Variants in ANGPT2 observed in about 807,000 individuals in gnomAD.
ANGPT2 encodes angiopoietin 2, also known as angiopoietin-2.
ANGPT2 carries 28 observed loss-of-function variants against 62.9 expected under a neutral mutation model. The observed-to-expected ratio is 0.44, with a 90% CI of 0.33 to 0.61. The LOEUF (loss-of-function observed/expected upper bound fraction) is 0.61, where lower values mean the gene tolerates loss of function less well. Ranked by LOEUF, ANGPT2 falls within the 20% of genes least tolerant of loss-of-function variation. The probability of loss-of-function intolerance (pLI) is 0.03; values close to 1 mark genes in which losing one functional copy is unlikely to be tolerated. For missense variants in ANGPT2, 727 were observed against 594.9 expected (o/e 1.22, Z -2.31); for synonymous variants, 284 against 207.8 (o/e 1.37, Z -3.15).
At chr8:6,532,637 ATT>A in intron 1 of ANGPT2, 150 bp from the exon 2 acceptor site, 1 of 617,102 alleles carries the variant, frequency 1.6e-6, no homozygotes, top group Non-Finnish European at 2.5e-6. Flanking sequence ...GAATCTTACT[ATT>A]TTTTTTTATC....
At position 6,513,784 on chromosome 8, in the gene ANGPT2, T is replaced by G. The variant is rs758845027; in HGVS notation, c.1090A>C (p.Asn364His). Residue 364 changes from asparagine (N) to histidine (H), a missense_variant, in exon 7 of 9, where the codon AAT (asparagine) becomes CAT (histidine). Physicochemically the swap from Asn to His is moderately conservative, Grantham distance 68. Transcript: ENST00000629816. ...LGNEFVSQLT[N>H]QQRYVLKIHL... ...ATTTTAAGCACATAGCGTTGCTGAT[T>G]AGTCAGTTGCGAAACAAACTCATTT... 2 of 1,614,114 alleles carry G rather than the reference T, an allele frequency of 1.2e-6. No individual in the cohort carries two copies. Among genetic ancestry groups the G allele is most frequent in the East Asian group, 2.2e-5 (1 of 44,882 alleles).
rs1358707202 is a variant in ANGPT2 at position 6,519,175 on chromosome 8, G to T, written c.927+689C>A. ...GACTGCGTTAGATGAGGTTAGAATC[G>T]CCTTCCCCAGCGGTTCTCATGGTGT... is the stretch of plus-strand genomic sequence containing the variant. On this transcript the variant is annotated intron_variant, in intron 5 of 8. Transcript: ENST00000629816. Among the ~76,000 whole-genome samples the T allele has an allele frequency of 2.0e-5, 3 of 152,288 alleles. No individual in the cohort carries two copies. The East Asian group carries it at 5.8e-4, about 29-fold the overall frequency.
intron 3 of ANGPT2, among the ~76,000 whole-genome samples, chr8:6,526,683 A>T (rs1407914998): frequency 1.3e-5 from 2 of 152,234 alleles, no homozygotes; most frequent in African/African-American, 4.8e-5. Flanking sequence ...TTGAACAAGA[A>T]GTTTATCATT....
At position 6,502,311 on chromosome 8, in the gene ANGPT2, T is replaced by C. The variant is rs1405238239; in HGVS notation, c.*790A>G. On this transcript the variant is annotated 3_prime_UTR_variant, in exon 9 of 9. Coordinates refer to ENST00000629816, the MANE Select transcript of ANGPT2 (RefSeq NM_001118887.2). ...CATAGGCATATCCCCTAATAAGTTA[T>C]ATTTAATTACTAAAAATACCTTCAT... is the stretch of plus-strand genomic sequence containing the variant. 1.3e-5 allele frequency: 2 copies of C among 152,200 alleles called. No individual in the cohort carries two copies. The highest frequency in any genetic ancestry group is 2.4e-5 in the African/African-American group (1 of 41,460). The allele number at this position is 152,200 out of a possible 1,614,324, so 9.4% of individuals were successfully genotyped here. A position where few individuals can be genotyped will look rare whatever the true frequency, so the allele number is the denominator to read the frequency against.
rs1444663586 is a variant in ANGPT2, at chr8:6,509,081, A to G, written c.1197-19T>C. The G allele has an allele frequency of 1.9e-6, 3 of 1,610,720 alleles. No individual in the cohort carries two copies. Among genetic ancestry groups the G allele is most frequent in the Admixed American group, 1.7e-5 (1 of 59,486 alleles). On this transcript the variant is annotated intron_variant, in intron 7 of 8. Transcript: ENST00000629816. The stretch of plus-strand genomic sequence containing the variant: ...GTGAATCCTGTAAGCGTGCAAAGAA[A>G]AAAAACACATTGGCTAGGGTCATTG...
At chr8:6,560,577 C>T (rs1332779119) in intron 1 of ANGPT2, among the ~76,000 whole-genome samples, 1 of 152,122 alleles carries the variant, frequency 6.6e-6, no homozygotes, top group Non-Finnish European at 1.5e-5. Context: ...GCTGGGAGAA[C>T]AGGTGTGGAG....
chr8:6,550,617 G>A (rs1248116110), intron 1 of ANGPT2, among the ~76,000 whole-genome samples: 1 of 152,180 alleles, frequency 6.6e-6, no homozygotes, highest in Non-Finnish European at 1.5e-5. Flanking sequence ...GGGCGTTGGT[G>A]GTGAAGTCTG....
chr8:6,557,876 C>A (rs1388553052), intron 1 of ANGPT2, among the ~76,000 whole-genome samples: 1 of 152,118 alleles, frequency 6.6e-6, no homozygotes, highest in African/African-American at 2.4e-5. Flanking sequence ...ATCCACAAAG[C>A]TGACCAGGCC....
rs746600921 is a variant in ANGPT2 at position 6,501,666 on chromosome 8, C to G, written c.*1435G>C. On this transcript the variant is annotated 3_prime_UTR_variant, in exon 9 of 9. Coordinates refer to ENST00000629816, the MANE Select transcript of ANGPT2 (RefSeq NM_001118887.2). ...ACCTCCCTGGTGCAAGCAATTCTCC[C>G]TGCCTCAGCCTCCCGAGTAGCTGGG... 1.3e-5 allele frequency: 2 copies of G among 151,466 alleles called. No individual in the cohort carries two copies. The highest frequency in any genetic ancestry group is 1.5e-5 in the Non-Finnish European group (1 of 67,964). 9.4% of individuals were successfully genotyped at this position (151,466 alleles called of 1,614,324 possible).
intron 1 of ANGPT2, among the ~76,000 whole-genome samples, chr8:6,548,065 G>A (rs753299151): frequency 6.6e-6 from 1 of 152,086 alleles, no homozygotes; most frequent in East Asian, 1.9e-4. Flanking sequence ...GTGGTTTAGT[G>A]TCTTTACTGA....
chr8:6,510,158 CTT>C (rs11395431), intron 7 of ANGPT2, among the ~76,000 whole-genome samples: 1 of 146,552 alleles, frequency 6.8e-6, no homozygotes. Context: ...GTTGTTTTTT[CTT>C]TTTTTTTTTT....
chr8:6,537,363 C>T (rs533536735), intron 1 of ANGPT2, among the ~76,000 whole-genome samples: 1 of 152,058 alleles, frequency 6.6e-6, no homozygotes, highest in South Asian at 2.1e-4. Flanking sequence ...GCTGTTCTTC[C>T]TTTCTCAGAA....
At chr8:6,542,007 C>CA (rs764731302) in intron 1 of ANGPT2, among the ~76,000 whole-genome samples, 1,032 of 57,036 alleles carry the variant, frequency 0.018, 12 homozygotes, top group African/African-American at 0.045. Flanking sequence ...GACTCAATCT[C>CA]AAAAAAAAAA....
chr8:6,540,034 G>T (rs1242987354), intron 1 of ANGPT2, among the ~76,000 whole-genome samples: 1 of 152,264 alleles, frequency 6.6e-6, no homozygotes, highest in East Asian at 1.9e-4. Context: ...GGCCTCAGCT[G>T]GTGGCATTCT....
In ANGPT2 at chr8:6,506,160, G is replaced by T. The variant is rs191175391; in HGVS notation, c.1327+2772C>A. Among the ~76,000 whole-genome samples the T allele has an allele frequency of 7.3e-5, 11 of 151,484 alleles. No homozygotes were observed. In the South Asian group the frequency reaches 2.1e-3, roughly 29 times the overall value. On this transcript the variant is annotated intron_variant, in intron 8 of 8. Coordinates refer to ENST00000629816, the MANE Select transcript of ANGPT2 (RefSeq NM_001118887.2). Reference sequence around the variant, plus strand: ...TGATTCAGGTGAATGCAGATTGGACGGAAGTTTGCGTGTTCTATTCAGAAT... The same window carrying T: ...TGATTCAGGTGAATGCAGATTGGACTGAAGTTTGCGTGTTCTATTCAGAAT...
At chr8:6,553,264 A>G (rs1401198977) in intron 1 of ANGPT2, among the ~76,000 whole-genome samples, 1 of 152,144 alleles carries the variant, frequency 6.6e-6, no homozygotes, top group African/African-American at 2.4e-5. Flanking sequence ...AAACTGCTCT[A>G]AAAAACATAG....
At chr8:6,525,802 A>G (rs1818218504) in intron 3 of ANGPT2, among the ~76,000 whole-genome samples, 1 of 152,240 alleles carries the variant, frequency 6.6e-6, no homozygotes, top group African/African-American at 2.4e-5. Context: ...ACAAAAAAAT[A>G]CGATTTCTAC....
chr8:6,523,450 A>G (rs926837370), intron 3 of ANGPT2, among the ~76,000 whole-genome samples: 1 of 152,240 alleles, frequency 6.6e-6, no homozygotes, highest in East Asian at 1.9e-4. Context: ...TACCACTTTT[A>G]AACTAAAAAT....
chr8:6,526,471 G>T (rs1818365858), intron 3 of ANGPT2, among the ~76,000 whole-genome samples: 2 of 151,912 alleles, frequency 1.3e-5, no homozygotes, highest in African/African-American at 2.4e-5. Flanking sequence ...AAATTAGCAG[G>T]ATTGTTATAT....
Sources: gnomAD v4.1 joint callset for allele counts (sites outside exome capture counted in the v4.1 genomes callset) on GRCh38, gnomAD v4.1.1 for gene constraint, MANE v1.5 for transcripts, NCBI Gene and HGNC (gene_info 2026-07-23, HGNC 2026-07-21) for gene names.